CACNA1C: variants seen among roughly 807,000 people sequenced by gnomAD.
CACNA1C encodes the protein calcium voltage-gated channel subunit alpha1 C.
Under a neutral mutation model 229.0 loss-of-function variants are expected in CACNA1C, and 30 were observed. The ratio of observed to expected loss-of-function variants is 0.13; its 90% CI spans 0.10 to 0.18. The LOEUF (loss-of-function observed/expected upper bound fraction) is 0.18, where lower values mean the gene tolerates loss of function less well. Among genes scored for constraint, CACNA1C ranks in the 10% least tolerant of loss-of-function variants. CACNA1C has a pLI of 1.00. For missense variants in CACNA1C, 1,658 were observed against 2,845.0 expected (o/e 0.58, Z 9.49); for synonymous variants, 1,114 against 1,132.5 (o/e 0.98, Z 0.33).
At chr12:2,025,716 A>G (rs59061234) in intron 1 of CACNA1C, among the ~76,000 whole-genome samples, 1,889 of 152,248 alleles carry the variant, frequency 0.012, 38 homozygotes, top group African/African-American at 0.043. Context: ...GATTTTTATT[A>G]CCTTGTCAAT....
intron 3 of CACNA1C, among the ~76,000 whole-genome samples, chr12:2,290,639 G>A (rs1443898950): frequency 1.3e-5 from 2 of 152,156 alleles, no homozygotes; most frequent in African/African-American, 2.4e-5. Context: ...ACAGTGAGCC[G>A]AGGAGCTTGT....
At chr12:2,422,812 T>C (rs535640863) in intron 3 of CACNA1C, among the ~76,000 whole-genome samples, 60 of 152,090 alleles carry the variant, frequency 3.9e-4, no homozygotes, top group African/African-American at 1.2e-3. Context: ...GCCCTGGCAA[T>C]GGGTTAACTG....
At chr12:2,309,516 G>C (rs570553568) in intron 3 of CACNA1C, among the ~76,000 whole-genome samples, 5 of 151,326 alleles carry the variant, frequency 3.3e-5, no homozygotes, top group Admixed American at 6.6e-5. Flanking sequence ...CACACACACA[G>C]AGGGAACTGT....
At chr12:2,368,862 A>G (rs1162137126) in intron 3 of CACNA1C, among the ~76,000 whole-genome samples, 1 of 152,226 alleles carries the variant, frequency 6.6e-6, no homozygotes, top group African/African-American at 2.4e-5. Flanking sequence ...CAAATTTACC[A>G]AGAAAGATAT....
At chr12:2,428,958 A>G (rs893228031) in intron 3 of CACNA1C, among the ~76,000 whole-genome samples, 14 of 152,212 alleles carry the variant, frequency 9.2e-5, no homozygotes, top group Admixed American at 6.5e-4. Context: ...GTGGCTTAAG[A>G]CAACAAAAAT....
chr12:2,549,245 C>T (rs906782973), intron 9 of CACNA1C, among the ~76,000 whole-genome samples: 11 of 152,122 alleles, frequency 7.2e-5, no homozygotes, highest in East Asian at 1.9e-4. Flanking sequence ...AAGGGGAAAT[C>T]GTATCCCTAC....
chr12:2,505,006 C>G, intron 8 of CACNA1C, 61 bp downstream of exon 8: 1 of 859,168 alleles, frequency 1.2e-6, no homozygotes, highest in Non-Finnish European at 1.9e-6. Context: ...ATTCTTTCTG[C>G]TATTCCTGGC....
chr12:2,306,085 G>A (rs1462031606), intron 3 of CACNA1C, among the ~76,000 whole-genome samples: 1 of 152,230 alleles, frequency 6.6e-6, no homozygotes, highest in Admixed American at 6.5e-5. Flanking sequence ...AGCCCAGGCA[G>A]CCTCACTGCA....
At chr12:2,017,055 C>T (rs1188615856) in intron 1 of CACNA1C, among the ~76,000 whole-genome samples, 1 of 152,086 alleles carries the variant, frequency 6.6e-6, no homozygotes, top group Non-Finnish European at 1.5e-5. Context: ...AGTTTATTCT[C>T]TAGGCAATGA....
chr12:2,115,453 C>T lies in CACNA1C; in HGVS notation c.279C>T (p.Gly93=), dbSNP rs1421298879. 6.2e-7 allele frequency: 1 copy of T among 1,613,256 alleles called. No individual in the cohort carries two copies. The highest frequency in any genetic ancestry group is 1.7e-5 in the Admixed American group (1 of 60,026). The change falls in exon 2 of 47, where the codon GGC becomes GGT. Residue 93 remains glycine, a synonymous_variant. Coordinates refer to ENST00000399655, the MANE Select transcript of CACNA1C (RefSeq NM_000719.7). ...AATATGGGAAACCCAAGAAGCAGGG[C>T]AGCACCACGGCCACACGCCCGCCCC... ...RQQYGKPKKQ[G]STTATRPPRA... is the part of the protein sequence containing the mutation.
At position 2,054,326 on chromosome 12, in the gene CACNA1C, C is replaced by T. The variant is rs986099266; in HGVS notation, c.49+715C>T. On this transcript the variant is annotated intron_variant, in intron 1 of 46. Transcript: ENST00000399655. The surrounding 1 kb of genome is among the most constrained non-coding windows in gnomAD (Gnocchi z 5.5). ...AGCGCGCCCACGCCGCGTGTGTTCT[C>T]ATTCGCACCCACATGTGGGCTAGCA... 6.6e-6 allele frequency among the ~76,000 whole-genome samples: 1 copy of T among 152,206 alleles called. No individual in the cohort carries two copies. Among genetic ancestry groups the T allele is most frequent in the Non-Finnish European group, 1.5e-5 (1 of 68,040 alleles).
intron 18 of CACNA1C, among the ~76,000 whole-genome samples, chr12:2,588,086 G>T (rs957932653): frequency 1.3e-5 from 2 of 152,142 alleles, no homozygotes; most frequent in African/African-American, 4.8e-5. Flanking sequence ...TGCCTCCACA[G>T]TCAGCTCCTG....
chr12:2,588,579 C>T (rs940735354), intron 18 of CACNA1C, among the ~76,000 whole-genome samples: 6 of 152,202 alleles, frequency 3.9e-5, no homozygotes, highest in Non-Finnish European at 8.8e-5. Context: ...CGCATGACCG[C>T]GAATACTCAG....
rs558869273 is a variant in CACNA1C at position 1,978,432 on chromosome 12, A to G, written c.139+7231A>G. Among the ~76,000 whole-genome samples, 6 of 152,348 alleles carry G rather than the reference A, an allele frequency of 3.9e-5. No homozygotes were observed. The East Asian group carries it at 1.2e-3, about 29-fold the overall frequency. ...TCAGGGTTAGCAGAAACACTGGTTA[A>G]TAAATGTCAGGAAAATAAAGAAGGG... On this transcript the variant is annotated intron_variant, in intron 1 of 46. Transcript: ENST00000682462.
chr12:2,562,823 A>G (rs2048220010), intron 11 of CACNA1C, among the ~76,000 whole-genome samples: 1 of 152,236 alleles, frequency 6.6e-6, no homozygotes, highest in South Asian at 2.1e-4. Context: ...CAAAAATCAA[A>G]CCAGGGTTAT....
At chr12:2,345,721 G>T (rs2096993790) in intron 3 of CACNA1C, among the ~76,000 whole-genome samples, 1 of 152,130 alleles carries the variant, frequency 6.6e-6, no homozygotes, top group African/African-American at 2.4e-5. Flanking sequence ...GGTTGATCTA[G>T]GCTGGCCACT....
At chr12:2,314,603 T>C (rs904324539) in intron 3 of CACNA1C, among the ~76,000 whole-genome samples, 1 of 152,238 alleles carries the variant, frequency 6.6e-6, no homozygotes, top group African/African-American at 2.4e-5. Context: ...GTCTATATTT[T>C]TGTCTAGATT....
At chr12:2,095,607 C>T (rs2073557972) in intron 1 of CACNA1C, among the ~76,000 whole-genome samples, 1 of 152,186 alleles carries the variant, frequency 6.6e-6, no homozygotes, top group Non-Finnish European at 1.5e-5. Context: ...CAGTGTTTCG[C>T]CAGTCCTTCA....
intron 3 of CACNA1C, among the ~76,000 whole-genome samples, chr12:2,266,596 G>A (rs2082487291): frequency 6.6e-6 from 1 of 152,252 alleles, no homozygotes; most frequent in Non-Finnish European, 1.5e-5. Context: ...ATTTGGTCTT[G>A]TAGTGAAAAT....
Sources: allele counts gnomAD v4.1 joint callset (sites outside exome capture counted in the v4.1 genomes callset), GRCh38; gene constraint gnomAD v4.1.1; non-coding constraint Gnocchi (gnomAD v3.1); transcripts MANE v1.5; gene names NCBI Gene and HGNC (gene_info 2026-07-23, HGNC 2026-07-21).